Variants in SERINC5 observed in about 807,000 individuals in gnomAD.
SERINC5 encodes serine incorporator 5.
In SERINC5, 41 loss-of-function variants were observed where a neutral mutation model predicts 63.1. The ratio of observed to expected loss-of-function variants is 0.65; its 90% CI spans 0.51 to 0.84. The LOEUF is 0.84. Ranked by LOEUF, SERINC5 falls within the 40% of genes least tolerant of loss-of-function variation. The probability of loss-of-function intolerance (pLI) is 0.00; values close to 1 mark genes in which losing one functional copy is unlikely to be tolerated. For synonymous variants in SERINC5, 222 were observed against 215.2 expected (o/e 1.03, Z -0.28); for missense variants, 523 against 573.0 (o/e 0.91, Z 0.89).
chr5:80,195,286 C>CA (rs35770657), intron 2 of SERINC5, among the ~76,000 whole-genome samples: 8,715 of 98,544 alleles, frequency 0.088, 320 homozygotes, highest in African/African-American at 0.12. Flanking sequence ...AACTCTGTCG[C>CA]AAAAAAAAAA....
intron 8 of SERINC5, among the ~76,000 whole-genome samples, chr5:80,152,096 C>G (rs1580070167): frequency 6.6e-6 from 1 of 152,192 alleles, no homozygotes; most frequent in Admixed American, 6.5e-5. Context: ...CTGATGCATG[C>G]TAATCCAGGC....
chr5:80,196,324 A>G (rs1297596848), intron 2 of SERINC5, among the ~76,000 whole-genome samples: 4 of 152,138 alleles, frequency 2.6e-5, no homozygotes, highest in Admixed American at 2.6e-4. Flanking sequence ...CACCTCACAC[A>G]CACTATAGCG....
chr5:80,209,722 T>TA (rs915644765), intron 1 of SERINC5, among the ~76,000 whole-genome samples: 1 of 152,062 alleles, frequency 6.6e-6, no homozygotes, highest in African/African-American at 2.4e-5. Flanking sequence ...CTCTTACAGT[T>TA]AAAAAATGAA....
intron 1 of SERINC5, among the ~76,000 whole-genome samples, chr5:80,232,831 G>A (rs996535903): frequency 3.3e-5 from 5 of 151,974 alleles, no homozygotes; most frequent in African/African-American, 1.2e-4. Flanking sequence ...GCTACAACAT[G>A]GATGAACCTT....
At chr5:80,175,688 G>A (rs1362266199) in intron 4 of SERINC5, among the ~76,000 whole-genome samples, 5 of 151,318 alleles carry the variant, frequency 3.3e-5, no homozygotes, top group Non-Finnish European at 5.9e-5. Flanking sequence ...GGCCTACATG[G>A]TGAAACCCTG....
intron 2 of SERINC5, among the ~76,000 whole-genome samples, chr5:80,185,511 G>A (rs981883850): frequency 3.8e-5 from 5 of 130,170 alleles, no homozygotes; most frequent in Admixed American, 2.5e-4. Flanking sequence ...TATTTCATGC[G>A]CGTCCGTGTG....
At chr5:80,143,901 A>G in intron 11 of SERINC5, 91 bp from the exon 12 acceptor site, 3 of 1,415,764 alleles carry the variant, frequency 2.1e-6, no homozygotes, top group Non-Finnish European at 2.8e-6. Context: ...GTATAATTCA[A>G]CGGCTTTCAA....
At position 80,232,484 on chromosome 5, in the gene SERINC5, A is replaced by T. The variant is rs556368162; in HGVS notation, c.27+23412T>A. 4.6e-5 allele frequency among the ~76,000 whole-genome samples: 7 copies of T among 150,868 alleles called. No individual in the cohort carries two copies. In the East Asian group the frequency reaches 1.4e-3, roughly 30 times the overall value. On this transcript the variant is annotated intron_variant, in intron 1 of 11. Coordinates refer to ENST00000507668, the MANE Select transcript of SERINC5 (RefSeq NM_001174072.3). Reference sequence around the variant, plus strand: ...GTTTCAGTAAAGTGTGGTATATTCCAGTAAAAGGAATGAAGTACTGGCCAG... The same window carrying T: ...GTTTCAGTAAAGTGTGGTATATTCCTGTAAAAGGAATGAAGTACTGGCCAG...
At position 80,139,306 on chromosome 5, in the gene SERINC5, CA is replaced by C. The variant is rs538992379; in HGVS notation, c.*4356del. 1,920 of 980,446 alleles carry C rather than the reference CA, an allele frequency of 2.0e-3. No homozygotes were observed. The highest frequency in any genetic ancestry group is 2.2e-3 in the South Asian group (46 of 21,172). 60.7% of individuals were successfully genotyped at this position (980,446 alleles called of 1,614,324 possible). A position where few individuals can be genotyped will look rare whatever the true frequency, so the allele number is the denominator to read the frequency against. ...CTTAAATTTCTTATAAATAGCTCTC[CA>C]GACATATATTACAAATCTGCTGTAA... is the stretch of plus-strand genomic sequence containing the variant. On this transcript the variant is annotated 3_prime_UTR_variant, in exon 12 of 12. Coordinates refer to ENST00000507668, the MANE Select transcript of SERINC5 (RefSeq NM_001174072.3).
intron 1 of SERINC5, among the ~76,000 whole-genome samples, chr5:80,217,361 G>A (rs1750712286): frequency 6.6e-6 from 1 of 152,122 alleles, no homozygotes; most frequent in Non-Finnish European, 1.5e-5. Flanking sequence ...CTTTCCAAGA[G>A]GTGCTATGTG....
chr5:80,243,420 C>T (rs1437665610), intron 1 of SERINC5, among the ~76,000 whole-genome samples: 1 of 152,056 alleles, frequency 6.6e-6, no homozygotes, highest in East Asian at 1.9e-4. Context: ...ACAGGAATTT[C>T]CCCTACTTAA....
chr5:80,232,853 AAGTT>A (rs2112569272), intron 1 of SERINC5, among the ~76,000 whole-genome samples: 1 of 152,284 alleles, frequency 6.6e-6, no homozygotes, highest in African/African-American at 2.4e-5. Context: ...AGAACATACT[AAGTT>A]AAAGAAGTAG....
Position 80,231,013 on chromosome 5 carries a change from G to C in SERINC5, c.27+24883C>G, listed in dbSNP as rs537587221. ...TTTTTGTAGAGACTGGGTTTTGCCC[G>C]GCTGGTCTCGAACTCCTGGCTTCAA... On this transcript the variant is annotated intron_variant, in intron 1 of 11. Coordinates refer to ENST00000507668, the MANE Select transcript of SERINC5 (RefSeq NM_001174072.3). 2.0e-4 allele frequency among the ~76,000 whole-genome samples: 7 copies of C among 35,712 alleles called. No individual in the cohort carries two copies. In the South Asian group the frequency reaches 3.5e-3, roughly 18 times the overall value. The allele number at this position is 35,712 out of a possible 152,430, so 23.4% of individuals were successfully genotyped here.
chr5:80,164,557 A>AT (rs1346763857), intron 7 of SERINC5, among the ~76,000 whole-genome samples: 1 of 151,308 alleles, frequency 6.6e-6, no homozygotes, highest in East Asian at 2.0e-4. Flanking sequence ...AATTTTTTGT[A>AT]TTTTTTTGTA....
intron 1 of SERINC5, among the ~76,000 whole-genome samples, chr5:80,206,811 C>CT (rs35026792): frequency 0.57 from 67,142 of 117,432 alleles, 20,376 homozygotes; most frequent in African/African-American, 0.72. Context: ...TCACTGATTG[C>CT]TTTTTTTTTT....
Position 80,139,763 on chromosome 5 carries a change from T to G in SERINC5, c.*3900A>C. The G allele has an allele frequency of 2.0e-6, 2 of 985,474 alleles. No homozygotes were observed. The highest frequency in any genetic ancestry group is 4.7e-5 in the South Asian group (1 of 21,288). 61.0% of individuals were successfully genotyped at this position (985,474 alleles called of 1,614,324 possible). ...TAAATTCCACAAGCCAAGTGGCTAC[T>G]GCATTGTCCCTGAAGAAGGAGGGCC... On this transcript the variant is annotated 3_prime_UTR_variant, in exon 12 of 12. Coordinates refer to ENST00000507668, the MANE Select transcript of SERINC5 (RefSeq NM_001174072.3).
chr5:80,231,594 T>C (rs1751440172), intron 1 of SERINC5, among the ~76,000 whole-genome samples: 1 of 150,760 alleles, frequency 6.6e-6, no homozygotes, highest in African/African-American at 2.4e-5. Flanking sequence ...AAATTCCAGA[T>C]GAATAATTCT....
intron 1 of SERINC5, among the ~76,000 whole-genome samples, chr5:80,212,376 G>A (rs1329508784): frequency 6.6e-6 from 1 of 152,088 alleles, no homozygotes; most frequent in Non-Finnish European, 1.5e-5. Context: ...AAACAACACT[G>A]CATCTTTTAA....
intron 1 of SERINC5, among the ~76,000 whole-genome samples, chr5:80,229,050 T>TGGGGGGGCGG (rs1174325559): frequency 4.2e-5 from 4 of 94,164 alleles, no homozygotes; most frequent in East Asian, 3.5e-4. Context: ...TTTTTTTTTT[T>TGGGGGGGCGG]GGGGATGGAG....
Sources: gnomAD v4.1 joint callset for allele counts (sites outside exome capture counted in the v4.1 genomes callset) on GRCh38, gnomAD v4.1.1 for gene constraint, MANE v1.5 for transcripts, NCBI Gene and HGNC (gene_info 2026-07-23, HGNC 2026-07-21) for gene names.